SCFD2: variants seen among roughly 807,000 people sequenced by gnomAD.
SCFD2 encodes sec1 family domain containing 2, also known as sec1 family domain-containing protein 2.
SCFD2 carries 54 observed loss-of-function variants against 58.9 expected under a neutral mutation model. The observed-to-expected ratio is 0.92, with a 90% confidence interval of 0.74 to 1.15. The LOEUF is 1.15. Ranked by LOEUF, SCFD2 falls within the 50% of genes most tolerant of loss-of-function variation. The pLI, the probability that SCFD2 is intolerant of heterozygous loss-of-function variation, is 0.00. For missense variants in SCFD2, 805 were observed against 836.6 expected, an observed-to-expected ratio of 0.96 and a Z score of 0.47; for synonymous variants, 321 against 335.9, an observed-to-expected ratio of 0.96 and a Z score of 0.49.
intron 4 of SCFD2, among the ~76,000 whole-genome samples, chr4:53,171,091 T>C (rs1247964904): frequency 6.6e-6 from 1 of 152,186 alleles, no homozygotes; most frequent in East Asian, 1.9e-4. Flanking sequence ...TGTATATCCT[T>C]GTCTTGTTCC....
chr4:53,240,450 A>G (rs1018514714), intron 4 of SCFD2, among the ~76,000 whole-genome samples: 4 of 152,240 alleles, frequency 2.6e-5, no homozygotes, highest in African/African-American at 9.6e-5. Context: ...CAGAATGGAA[A>G]GTGACCTTCA....
intron 5 of SCFD2, among the ~76,000 whole-genome samples, chr4:53,042,621 T>A (rs557674528): frequency 6.6e-6 from 1 of 152,104 alleles, no homozygotes; most frequent in Non-Finnish European, 1.5e-5. Flanking sequence ...ACATGGAGGA[T>A]CTGGTATAAG....
chr4:53,238,455 C>A (rs1418674882), intron 4 of SCFD2, among the ~76,000 whole-genome samples: 1 of 148,640 alleles, frequency 6.7e-6, no homozygotes, highest in Non-Finnish European at 1.5e-5. Flanking sequence ...AGGGGGCTGA[C>A]CCCCCCACCT....
chr4:53,141,046 C>T (rs1457768696), intron 5 of SCFD2, among the ~76,000 whole-genome samples: 1 of 152,072 alleles, frequency 6.6e-6, no homozygotes, highest in African/African-American at 2.4e-5. Context: ...AGCCCTAAAG[C>T]TGAAATCCTA....
intron 2 of SCFD2, among the ~76,000 whole-genome samples, chr4:53,324,333 G>A (rs1274646510): frequency 2.0e-5 from 3 of 148,304 alleles, no homozygotes; most frequent in East Asian, 2.0e-4. Flanking sequence ...CAAGAGGATC[G>A]CTTGAGTCCA....
chr4:52,997,625 A>AAGGCCAACCTCAGGGCTT (rs1262185929), intron 5 of SCFD2, among the ~76,000 whole-genome samples: 1 of 152,174 alleles, frequency 6.6e-6, no homozygotes, highest in Non-Finnish European at 1.5e-5. Context: ...AAGCATCAAA[A>AAGGCCAACCTCAGGGCTT]AGGCCAACCT....
At chr4:53,302,013 C>T (rs1732323023) in intron 3 of SCFD2, among the ~76,000 whole-genome samples, 1 of 152,148 alleles carries the variant, frequency 6.6e-6, no homozygotes, top group Non-Finnish European at 1.5e-5. Flanking sequence ...TAGGCAAAAA[C>T]TGGAAGCATT....
chr4:53,283,746 T>G (rs1449769840), intron 3 of SCFD2, among the ~76,000 whole-genome samples: 1 of 151,964 alleles, frequency 6.6e-6, no homozygotes, highest in Non-Finnish European at 1.5e-5. Context: ...TTTTTGTATT[T>G]TTTTTCTTTT....
intron 5 of SCFD2, among the ~76,000 whole-genome samples, chr4:53,023,064 G>A (rs925279939): frequency 6.6e-6 from 1 of 152,038 alleles, no homozygotes; most frequent in Non-Finnish European, 1.5e-5. Flanking sequence ...TGGTGATCAT[G>A]AGTTGTTGTT....
intron 5 of SCFD2, among the ~76,000 whole-genome samples, chr4:52,943,928 A>C (rs993914144): frequency 6.6e-6 from 1 of 152,222 alleles, no homozygotes; most frequent in African/African-American, 2.4e-5. Flanking sequence ...GCCCATTGAA[A>C]ACATTTGTTT....
intron 4 of SCFD2, among the ~76,000 whole-genome samples, chr4:53,272,810 T>A (rs1376675223): frequency 3.3e-5 from 5 of 152,008 alleles, no homozygotes; most frequent in Non-Finnish European, 7.4e-5. Context: ...CATATGTAAC[T>A]AACCTGCACG....
Position 53,113,978 on chromosome 4 carries a change from C to G in SCFD2, c.1561+31355G>C, listed in dbSNP as rs536383125. ...TTACATAATCATAGTTAATTAAAGG[C>G]AGCTTAGTGTAATGGTTAGGAGCCA... is the stretch of plus-strand genomic sequence containing the variant. On this transcript the variant is annotated intron_variant, in intron 5 of 8. Transcript: ENST00000401642. Among the ~76,000 whole-genome samples, 11 of 136,162 alleles carry G rather than the reference C, an allele frequency of 8.1e-5. No homozygotes were observed. In the East Asian group the frequency reaches 1.3e-3, roughly 16 times the overall value. The allele number at this position is 136,162 out of a possible 152,430, so 89.3% of individuals were successfully genotyped here.
At chr4:53,161,471 G>C (rs1726850000) in intron 4 of SCFD2, among the ~76,000 whole-genome samples, 1 of 152,148 alleles carries the variant, frequency 6.6e-6, no homozygotes, top group African/African-American at 2.4e-5. Context: ...CCTTTGGCTA[G>C]GAAGATAGGG....
intron 4 of SCFD2, among the ~76,000 whole-genome samples, chr4:53,181,392 C>A (rs1376805747): frequency 3.3e-5 from 5 of 152,078 alleles, no homozygotes; most frequent in Non-Finnish European, 7.4e-5. Context: ...TAAACAGAAC[C>A]AAAGACAAAA....
Position 52,886,008 on chromosome 4 carries a change from C to T in SCFD2, c.1843-142G>A, listed in dbSNP as rs146134283. 102 of 1,004,230 alleles carry T rather than the reference C, an allele frequency of 1.0e-4. No individual in the cohort carries two copies. The African/African-American group carries it at 1.4e-3, about 14-fold the overall frequency. The allele number at this position is 1,004,230 out of a possible 1,614,324, so 62.2% of individuals were successfully genotyped here. On this transcript the variant is annotated intron_variant, in intron 7 of 8. Coordinates refer to ENST00000401642, the MANE Select transcript of SCFD2 (RefSeq NM_152540.4). ...AGGAGGCAGACAAATCCTAGGCAGA[C>T]AGGGGTGGGTCCCTGGTGAAACCTG...
At chr4:53,098,795 TCA>T (rs1021960988) in intron 5 of SCFD2, among the ~76,000 whole-genome samples, 1 of 151,970 alleles carries the variant, frequency 6.6e-6, no homozygotes, top group African/African-American at 2.4e-5. Context: ...ATATGATTAC[TCA>T]CACACACACA....
At chr4:53,020,348 G>A (rs533250528) in intron 5 of SCFD2, among the ~76,000 whole-genome samples, 40 of 152,244 alleles carry the variant, frequency 2.6e-4, no homozygotes, top group Non-Finnish European at 5.0e-4. Context: ...TGAGTTAATC[G>A]GTTACTGTTT....
chr4:53,095,455 T>C (rs1246849413), intron 5 of SCFD2, among the ~76,000 whole-genome samples: 2 of 152,118 alleles, frequency 1.3e-5, no homozygotes, highest in African/African-American at 4.8e-5. Flanking sequence ...CCTTCACCAC[T>C]ACCATCCTGG....
intron 5 of SCFD2, among the ~76,000 whole-genome samples, chr4:53,050,704 C>T (rs4864718): frequency 0.8 from 122,169 of 152,172 alleles, 50,470 homozygotes; most frequent in Non-Finnish European, 0.9. Context: ...TACTCATAGG[C>T]TGAAAACCCT....
Sources: allele counts gnomAD v4.1 joint callset (sites outside exome capture counted in the v4.1 genomes callset), GRCh38; gene constraint gnomAD v4.1.1; transcripts MANE v1.5; gene names NCBI Gene and HGNC (gene_info 2026-07-23, HGNC 2026-07-21).